Variants in DAB1 observed in about 807,000 individuals in gnomAD.
DAB1 encodes the protein disabled homolog 1.
A neutral mutation model predicts 64.6 loss-of-function variants in DAB1; 15 were observed. The observed-to-expected ratio is 0.23, with a 90% CI of 0.16 to 0.36. The LOEUF (loss-of-function observed/expected upper bound fraction) is 0.36, where lower values mean the gene tolerates loss of function less well. DAB1 is among the 10% of genes least tolerant of loss of function. DAB1 has a pLI of 1.00. For synonymous variants in DAB1, 235 were observed against 251.9 expected (o/e 0.93, Z 0.64); for missense variants, 596 against 706.7 (o/e 0.84, Z 1.78).
intron 6 of DAB1, among the ~76,000 whole-genome samples, chr1:57,686,687 T>C (rs536418744): frequency 2.7e-4 from 41 of 152,248 alleles, no homozygotes; most frequent in South Asian, 1.4e-3. Context: ...CAGCAGCACA[T>C]ATAAAAGTTA....
At chr1:57,044,064 C>A (rs1305114340) in intron 9 of DAB1, among the ~76,000 whole-genome samples, 1 of 152,176 alleles carries the variant, frequency 6.6e-6, no homozygotes, top group Admixed American at 6.5e-5. Context: ...GTTCCTGGCA[C>A]ACTCTTCATC....
chr1:57,761,646 C>A lies in DAB1; in HGVS notation n.552-111981G>T, dbSNP rs538189739. 2.0e-5 allele frequency among the ~76,000 whole-genome samples: 3 copies of A among 152,326 alleles called. No homozygotes were observed. In the South Asian group the frequency reaches 6.2e-4, roughly 32 times the overall value. On this transcript the variant is annotated intron_variant and non_coding_transcript_variant, in intron 6 of 20. Transcript: ENST00000485760. ...CCCCTCCCCTCTAAATACGAGCAGC[C>A]CAGCTGCGAACATGACTGCCCAGGC...
intron 3 of DAB1, among the ~76,000 whole-genome samples, chr1:58,402,645 G>A (rs1051339031): frequency 8.6e-5 from 13 of 151,942 alleles, no homozygotes; most frequent in South Asian, 6.3e-4. Context: ...AGGGAAAGGA[G>A]GAGGGGGGGA....
chr1:58,465,725 C>T (rs746998158), intron 3 of DAB1, among the ~76,000 whole-genome samples: 1 of 152,104 alleles, frequency 6.6e-6, no homozygotes, highest in Non-Finnish European at 1.5e-5. Context: ...TAATAGATAC[C>T]ATTTATTGGG....
chr1:57,140,172 T>C (rs57879883), intron 3 of DAB1, among the ~76,000 whole-genome samples: 4,589 of 152,216 alleles, frequency 0.03, 256 homozygotes, highest in African/African-American at 0.11. Flanking sequence ...GGTCCTGTTA[T>C]GGACTCTGTG....
chr1:57,556,693 C>T (rs1210198735), intron 7 of DAB1, among the ~76,000 whole-genome samples: 1 of 152,120 alleles, frequency 6.6e-6, no homozygotes, highest in Admixed American at 6.6e-5. Flanking sequence ...CTTTGTTAGA[C>T]ATACAGATTG....
At chr1:57,663,439 G>A (rs1646410698) in intron 6 of DAB1, among the ~76,000 whole-genome samples, 1 of 152,154 alleles carries the variant, frequency 6.6e-6, no homozygotes, top group Non-Finnish European at 1.5e-5. Context: ...ATTAGTAAAA[G>A]GTTAAGATGG....
intron 1 of DAB1, among the ~76,000 whole-genome samples, chr1:57,416,175 T>C (rs1684478181): frequency 6.6e-6 from 1 of 152,214 alleles, no homozygotes; most frequent in African/African-American, 2.4e-5. Context: ...TACCATAATA[T>C]ATGAATATAG....
chr1:58,495,254 C>A (rs1196640026), intron 3 of DAB1, among the ~76,000 whole-genome samples: 1 of 152,238 alleles, frequency 6.6e-6, no homozygotes, highest in East Asian at 1.9e-4. Context: ...GAACATCACA[C>A]ACAGGGGTCT....
chr1:58,452,693 G>T (rs1645151137), intron 3 of DAB1, among the ~76,000 whole-genome samples: 1 of 150,990 alleles, frequency 6.6e-6, no homozygotes, highest in Non-Finnish European at 1.5e-5. Flanking sequence ...GGGCATGATG[G>T]TGGGTGCCTG....
chr1:58,219,367 G>A (rs1659037090), intron 4 of DAB1, among the ~76,000 whole-genome samples: 2 of 152,122 alleles, frequency 1.3e-5, no homozygotes, highest in South Asian at 4.1e-4. Context: ...TCTCCAAGCT[G>A]AGCTTCATCC....
intron 4 of DAB1, among the ~76,000 whole-genome samples, chr1:58,214,656 TTTCTC>T (rs1452755762): frequency 3.3e-5 from 5 of 152,206 alleles, no homozygotes; most frequent in Non-Finnish European, 5.9e-5. Flanking sequence ...CATGGATTAG[TTTCTC>T]TACTCCTCTC....
intron 4 of DAB1, among the ~76,000 whole-genome samples, chr1:57,094,646 T>C (rs1001477001): frequency 2.6e-5 from 4 of 152,246 alleles, no homozygotes; most frequent in African/African-American, 9.6e-5. Context: ...CTCCTAAAAT[T>C]ATTTTGTGTA....
chr1:57,695,368 GAAAGAAAGA>G (rs1557427784), intron 6 of DAB1, among the ~76,000 whole-genome samples: 66 of 48,534 alleles, frequency 1.4e-3, no homozygotes, highest in Non-Finnish European at 1.9e-3. Flanking sequence ...AAAGAAGAAA[GAAAGAAAGA>G]AAGAAAGAAA....
intron 3 of DAB1, among the ~76,000 whole-genome samples, chr1:58,436,108 A>AG: frequency 6.6e-6 from 1 of 152,202 alleles, no homozygotes; most frequent in South Asian, 2.1e-4. Context: ...ACTGGCCAAG[A>AG]TTTGAAGCCA....
intron 5 of DAB1, among the ~76,000 whole-genome samples, chr1:57,894,564 AAGC>A (rs1334716935): frequency 6.6e-6 from 1 of 152,206 alleles, no homozygotes; most frequent in Admixed American, 6.5e-5. Context: ...AACCTAAAGG[AAGC>A]CGATGTGCTT....
intron 4 of DAB1, among the ~76,000 whole-genome samples, chr1:58,226,344 G>A: frequency 6.6e-6 from 1 of 151,204 alleles, no homozygotes; most frequent in African/African-American, 2.4e-5. Flanking sequence ...TATGGCACTA[G>A]TTTTTTTTCA....
chr1:57,815,994 T>C (rs942333701), intron 6 of DAB1, among the ~76,000 whole-genome samples: 4 of 152,200 alleles, frequency 2.6e-5, no homozygotes, highest in Non-Finnish European at 4.4e-5. Flanking sequence ...TGGATCCCTG[T>C]TGGGCTCAGA....
intron 3 of DAB1, among the ~76,000 whole-genome samples, chr1:58,351,012 A>T (rs1378395167): frequency 6.6e-6 from 1 of 152,174 alleles, no homozygotes; most frequent in Non-Finnish European, 1.5e-5. Flanking sequence ...TGGTAGCTTG[A>T]TGAAACTAGC....
Sources: gnomAD v4.1 joint callset for allele counts (sites outside exome capture counted in the v4.1 genomes callset) on GRCh38, gnomAD v4.1.1 for gene constraint, MANE v1.5 for transcripts, NCBI Gene and HGNC (gene_info 2026-07-23, HGNC 2026-07-21) for gene names.